Variants in SNX29 observed in about 807,000 individuals in gnomAD.
SNX29 encodes the protein sorting nexin 29.
SNX29 carries 78 observed loss-of-function variants against 102.1 expected under a neutral mutation model. The ratio of observed to expected loss-of-function variants is 0.76; its 90% confidence interval spans 0.64 to 0.92. The LOEUF (loss-of-function observed/expected upper bound fraction) is 0.92. Ranked by LOEUF, SNX29 falls within the 40% of genes least tolerant of loss-of-function variation. The pLI is 0.00. For synonymous variants in SNX29, 580 were observed against 414.5 expected (o/e 1.40, Z -4.85); for missense variants, 1,280 against 1,061.7 (o/e 1.21, Z -2.86).
intron 18 of SNX29, among the ~76,000 whole-genome samples, chr16:12,428,251 A>G (rs760542837): frequency 7.2e-5 from 11 of 152,238 alleles, no homozygotes; most frequent in Non-Finnish European, 1.6e-4. Context: ...AGTTTAGTAT[A>G]AAATGTAATT....
At chr16:12,085,086 A>G (rs1014860506) in intron 11 of SNX29, among the ~76,000 whole-genome samples, 1 of 151,906 alleles carries the variant, frequency 6.6e-6, no homozygotes. Context: ...AAAAGAAAAA[A>G]AAAAGAAATC....
At chr16:12,076,733 CT>C (rs2051594045) in intron 10 of SNX29, among the ~76,000 whole-genome samples, 1 of 152,192 alleles carries the variant, frequency 6.6e-6, no homozygotes, top group Admixed American at 6.5e-5. Flanking sequence ...TCTTCTGTCT[CT>C]CCTCTTGGCT....
At chr16:12,196,123 A>T (rs1302142958) in intron 13 of SNX29, among the ~76,000 whole-genome samples, 1 of 151,268 alleles carries the variant, frequency 6.6e-6, no homozygotes, top group Non-Finnish European at 1.5e-5. Flanking sequence ...CAACAGGTGC[A>T]TGCCACCACA....
intron 17 of SNX29, among the ~76,000 whole-genome samples, chr16:12,400,879 G>C (rs1260106865): frequency 6.6e-6 from 1 of 152,170 alleles, no homozygotes; most frequent in Non-Finnish European, 1.5e-5. Flanking sequence ...TTGGAGTGCA[G>C]TGGCACTATC....
rs142859735 is a variant in SNX29 at position 12,570,474 on chromosome 16, A to C, written c.*1845A>C. The C allele has an allele frequency of 1.7e-5, 4 of 234,066 alleles. No individual in the cohort carries two copies. Among genetic ancestry groups the C allele is most frequent in the South Asian group, 3.6e-4 (2 of 5,548 alleles). 14.5% of individuals were successfully genotyped at this position (234,066 alleles called of 1,614,324 possible). A position where few individuals can be genotyped will look rare whatever the true frequency, so the allele number is the denominator to read the frequency against. On this transcript the variant is annotated 3_prime_UTR_variant, in exon 21 of 21. Coordinates refer to ENST00000566228, the MANE Select transcript of SNX29 (RefSeq NM_032167.5). ...TGAGGCAGGAAACGTCTAAAAGCTC[A>C]ATCTGCTGTATGTCATGACCCCTTA...
At chr16:12,084,057 AG>A (rs1181151798) in intron 11 of SNX29, among the ~76,000 whole-genome samples, 2 of 152,194 alleles carry the variant, frequency 1.3e-5, no homozygotes, top group Non-Finnish European at 2.9e-5. Context: ...ACTGAAGAGA[AG>A]ATGGTGTATC....
chr16:12,317,098 C>A (rs1047139017), intron 15 of SNX29, among the ~76,000 whole-genome samples: 2 of 152,184 alleles, frequency 1.3e-5, no homozygotes, highest in Admixed American at 6.5e-5. Context: ...AGTGTTTCTC[C>A]CAGAAGTTTT....
intron 11 of SNX29, among the ~76,000 whole-genome samples, chr16:12,092,302 G>GAAGGAACA (rs1555458743): frequency 1.3e-5 from 2 of 152,174 alleles, no homozygotes; most frequent in African/African-American, 2.4e-5. Context: ...AGGAAGGAAG[G>GAAGGAACA]AAGGAACAAA....
chr16:12,453,317 C>A (rs577844978), intron 18 of SNX29, among the ~76,000 whole-genome samples: 3 of 152,340 alleles, frequency 2.0e-5, no homozygotes, highest in African/African-American at 7.2e-5. Context: ...CAGGCAACCA[C>A]CACTGTACAC....
rs903529356 is a variant in SNX29, at chr16:12,572,259, G to A, written c.*3630G>A. ...TTACACCAGGTGGATTGATACCATGGCTGTAGCTGATGCAACTAACAAGTA... is the reference window on the plus strand; with the variant it reads ...TTACACCAGGTGGATTGATACCATGACTGTAGCTGATGCAACTAACAAGTA... On this transcript the variant is annotated 3_prime_UTR_variant, in exon 21 of 21. Transcript: ENST00000566228. The A allele has an allele frequency of 3.8e-6, 4 of 1,057,186 alleles. No homozygotes were observed. In the African/African-American group the frequency reaches 4.9e-5, roughly 13 times the overall value. 65.5% of individuals were successfully genotyped at this position (1,057,186 alleles called of 1,614,324 possible).
intron 18 of SNX29, among the ~76,000 whole-genome samples, chr16:12,411,398 C>A (rs2084393604): frequency 6.6e-6 from 1 of 152,196 alleles, no homozygotes; most frequent in African/African-American, 2.4e-5. Flanking sequence ...GATCATAGCA[C>A]ATGAACCCCT....
intron 20 of SNX29, among the ~76,000 whole-genome samples, chr16:12,530,694 T>TA (rs1272080868): frequency 1.3e-5 from 2 of 152,104 alleles, no homozygotes; most frequent in African/African-American, 2.4e-5. Flanking sequence ...TAGCTGGAAT[T>TA]ACAAGTGGCC....
chr16:12,535,500 A>G (rs535442843), intron 20 of SNX29, among the ~76,000 whole-genome samples: 1 of 152,266 alleles, frequency 6.6e-6, no homozygotes, highest in East Asian at 1.9e-4. Flanking sequence ...CAGATGAGGA[A>G]ACTGAGTCTC....
At position 12,149,972 on chromosome 16, in the gene SNX29, C is replaced by T. The variant is rs754531392; in HGVS notation, c.1595+20214C>T. 5.5e-4 allele frequency among the ~76,000 whole-genome samples: 83 copies of T among 152,172 alleles called. 1 individual carries two copies. Among genetic ancestry groups the T allele is most frequent in the Admixed American group, 1.3e-4 (2 of 15,278 alleles). On this transcript the variant is annotated intron_variant, in intron 13 of 20. Transcript: ENST00000566228. ...TGTCAAGGAAGCTTCAGGTTGCTCCCTGTGGCTGTATCCTGGAATTCTGGA... is the reference window on the plus strand; with the variant it reads ...TGTCAAGGAAGCTTCAGGTTGCTCCTTGTGGCTGTATCCTGGAATTCTGGA...
Position 12,501,724 on chromosome 16 carries a change from CAAAAAAA to C in SNX29, c.2179-22957_2179-22951del, listed in dbSNP as rs59431064. ...TGGGTGGCAGAGCAAGACACTGTCT[CAAAAAAA>C]AAAAAAAAAAAAAAAAAAAAGGCAG... On this transcript the variant is annotated intron_variant, in intron 19 of 20. Transcript: ENST00000566228. Among the ~76,000 whole-genome samples, 15 of 44,924 alleles carry C rather than the reference CAAAAAAA, an allele frequency of 3.3e-4. No individual in the cohort carries two copies. The East Asian group carries it at 4.2e-3, about 13-fold the overall frequency. The allele number at this position is 44,924 out of a possible 152,430, so 29.5% of individuals were successfully genotyped here.
intron 19 of SNX29, among the ~76,000 whole-genome samples, chr16:12,508,593 T>C (rs1032337628): frequency 3.3e-5 from 5 of 152,236 alleles, no homozygotes; most frequent in African/African-American, 1.2e-4. Flanking sequence ...GAGCTGGCCC[T>C]GCGAGCTCCT....
intron 3 of SNX29, among the ~76,000 whole-genome samples, chr16:12,012,767 T>C (rs761738459): frequency 1.3e-5 from 2 of 152,094 alleles, no homozygotes; most frequent in Non-Finnish European, 2.9e-5. Context: ...GCCATTTCTA[T>C]GTTCCATCTG....
intron 9 of SNX29, among the ~76,000 whole-genome samples, chr16:12,068,342 G>A (rs1229483414): frequency 2.6e-5 from 4 of 151,762 alleles, no homozygotes; most frequent in Non-Finnish European, 4.4e-5. Context: ...AAATTAGCTC[G>A]GCATGGTGGC....
At chr16:12,365,897 C>A (rs1399114457) in intron 16 of SNX29, among the ~76,000 whole-genome samples, 1 of 151,604 alleles carries the variant, frequency 6.6e-6, no homozygotes, top group Admixed American at 6.6e-5. Context: ...AAAAAATTAG[C>A]CATGCGTGGT....
Sources: allele counts gnomAD v4.1 joint callset (sites outside exome capture counted in the v4.1 genomes callset), GRCh38; gene constraint gnomAD v4.1.1; transcripts MANE v1.5; gene names NCBI Gene and HGNC (gene_info 2026-07-23, HGNC 2026-07-21).